The following MACROD2 variants were observed in gnomAD, a reference collection of about 807,000 sequenced individuals.
MACROD2 encodes the protein mono-ADP ribosylhydrolase 2.
In MACROD2, 36 loss-of-function variants were observed where a neutral mutation model predicts 70.4. The ratio of observed to expected loss-of-function variants is 0.51; its 90% CI spans 0.39 to 0.68. The LOEUF is 0.68. Among genes scored for constraint, MACROD2 ranks in the 30% least tolerant of loss-of-function variants. MACROD2 has a pLI of 0.00. For synonymous variants in MACROD2, 172 were observed against 178.8 expected (o/e 0.96, Z 0.30); for missense variants, 496 against 538.4 (o/e 0.92, Z 0.78).
intron 10 of MACROD2, among the ~76,000 whole-genome samples, chr20:15,918,026 T>C (rs1239266005): frequency 6.8e-6 from 1 of 148,068 alleles, no homozygotes; most frequent in Non-Finnish European, 1.5e-5. Context: ...ACTTGAAAAC[T>C]CTTGCAAGAG....
chr20:14,660,092 A>C (rs986289803), intron 4 of MACROD2, among the ~76,000 whole-genome samples: 3 of 152,214 alleles, frequency 2.0e-5, no homozygotes, highest in Admixed American at 2.0e-4. Context: ...TCATTGGTTT[A>C]AAAGCATATT....
chr20:15,253,597 C>T (rs6131654), intron 6 of MACROD2, among the ~76,000 whole-genome samples: 2 of 152,282 alleles, frequency 1.3e-5, no homozygotes, highest in South Asian at 2.1e-4. Flanking sequence ...AGGCTACCAC[C>T]TGCACCATCC....
intron 3 of MACROD2, among the ~76,000 whole-genome samples, chr20:14,346,652 T>G (rs908628232): frequency 3.3e-5 from 5 of 152,320 alleles, no homozygotes; most frequent in African/African-American, 1.2e-4. Flanking sequence ...AGTCTCAGAA[T>G]TTGCTAATTA....
intron 6 of MACROD2, among the ~76,000 whole-genome samples, chr20:15,393,397 TCTTC>T (rs2045818045): frequency 6.6e-6 from 1 of 152,228 alleles, no homozygotes; most frequent in Admixed American, 6.5e-5. Flanking sequence ...ATTTCAGCAT[TCTTC>T]CTTCCAGTCA....
intron 5 of MACROD2, among the ~76,000 whole-genome samples, chr20:15,032,327 C>T (rs560634146): frequency 6.6e-6 from 1 of 152,330 alleles, no homozygotes; most frequent in South Asian, 2.1e-4. Flanking sequence ...GCTCCTGGCC[C>T]CCGTCGGCTC....
At chr20:15,248,201 G>A (rs898260811) in intron 6 of MACROD2, among the ~76,000 whole-genome samples, 3 of 152,056 alleles carry the variant, frequency 2.0e-5, no homozygotes, top group African/African-American at 4.8e-5. Flanking sequence ...AGGCCACCAG[G>A]GCATGTCTTT....
At chr20:14,158,758 A>T (rs555158085) in intron 3 of MACROD2, among the ~76,000 whole-genome samples, 61 of 152,166 alleles carry the variant, frequency 4.0e-4, no homozygotes, top group Admixed American at 8.5e-4. Flanking sequence ...ATTTTGTTCC[A>T]TTGATCAATG....
intron 3 of MACROD2, among the ~76,000 whole-genome samples, chr20:14,469,306 C>T (rs1187398830): frequency 6.6e-6 from 1 of 152,162 alleles, no homozygotes; most frequent in Non-Finnish European, 1.5e-5. Context: ...TGCTGTTAGT[C>T]TGATGTGCTT....
chr20:14,354,839 A>G (rs191732082), intron 3 of MACROD2, among the ~76,000 whole-genome samples: 14 of 152,214 alleles, frequency 9.2e-5, no homozygotes, highest in African/African-American at 3.1e-4. Flanking sequence ...CTTTATGCCT[A>G]TGAGTATCCA....
chr20:15,996,388 C>G (rs1243682391), intron 15 of MACROD2, among the ~76,000 whole-genome samples: 4 of 152,076 alleles, frequency 2.6e-5, no homozygotes, highest in Admixed American at 6.5e-5. Flanking sequence ...CCCTTCTCTT[C>G]AGTTTTTTTG....
intron 8 of MACROD2, among the ~76,000 whole-genome samples, chr20:15,600,518 C>A (rs2048804773): frequency 1.3e-5 from 2 of 152,188 alleles, no homozygotes; most frequent in Admixed American, 1.3e-4. Context: ...CTTTCTCTAT[C>A]TCTTTTGATG....
chr20:14,978,903 ATAT>A (rs1477033494), intron 5 of MACROD2, among the ~76,000 whole-genome samples: 5 of 4,666 alleles, frequency 1.1e-3, no homozygotes, highest in East Asian at 0.028. Context: ...ATTATATAAT[ATAT>A]TATATATAAT....
intron 8 of MACROD2, among the ~76,000 whole-genome samples, chr20:15,631,826 G>A (rs1287676661): frequency 2.6e-5 from 4 of 152,170 alleles, no homozygotes; most frequent in Non-Finnish European, 5.9e-5. Flanking sequence ...TCTAGAGGGT[G>A]ATCTGGACAT....
intron 7 of MACROD2, among the ~76,000 whole-genome samples, chr20:15,460,479 C>T (rs1284174841): frequency 6.6e-6 from 1 of 152,082 alleles, no homozygotes; most frequent in Non-Finnish European, 1.5e-5. Flanking sequence ...GTTCTAGAGC[C>T]TCCAATGCCA....
At chr20:15,817,931 G>A (rs1361501913) in intron 8 of MACROD2, among the ~76,000 whole-genome samples, 1 of 152,126 alleles carries the variant, frequency 6.6e-6, no homozygotes, top group Admixed American at 6.6e-5. Flanking sequence ...TTACCTACTG[G>A]ACCACTTCTT....
intron 3 of MACROD2, among the ~76,000 whole-genome samples, chr20:14,137,058 C>G (rs2054807562): frequency 1.3e-5 from 2 of 152,076 alleles, no homozygotes; most frequent in South Asian, 4.1e-4. Flanking sequence ...ATTTCAAAGG[C>G]TTACTACAAA....
chr20:15,879,310 C>G (rs1391974457), intron 9 of MACROD2, among the ~76,000 whole-genome samples: 1 of 152,114 alleles, frequency 6.6e-6, no homozygotes, highest in African/African-American at 2.4e-5. Flanking sequence ...TGACTCCCTA[C>G]TTCCATAGAC....
At chr20:14,197,994 T>C (rs1007055279) in intron 3 of MACROD2, among the ~76,000 whole-genome samples, 3 of 152,154 alleles carry the variant, frequency 2.0e-5, no homozygotes, top group Admixed American at 6.5e-5. Context: ...TAAAATGAGC[T>C]TAATTATTTT....
intron 3 of MACROD2, among the ~76,000 whole-genome samples, chr20:14,119,435 G>A (rs908412964): frequency 6.6e-6 from 1 of 152,100 alleles, no homozygotes; most frequent in Non-Finnish European, 1.5e-5. Context: ...CTCCCAAAGT[G>A]CTGGGATTAT....
Sources: allele counts gnomAD v4.1 joint callset (sites outside exome capture counted in the v4.1 genomes callset), GRCh38; gene constraint gnomAD v4.1.1; transcripts MANE v1.5; gene names NCBI Gene and HGNC (gene_info 2026-07-23, HGNC 2026-07-21).